IL19: variants seen among roughly 807,000 people sequenced by gnomAD.
IL19 encodes the protein interleukin-19.
IL19 carries 15 observed loss-of-function variants against 19.5 expected under a neutral mutation model. The ratio of observed to expected loss-of-function variants is 0.77; its 90% confidence interval spans 0.52 to 1.19. The LOEUF (loss-of-function observed/expected upper bound fraction) is 1.19. Ranked by LOEUF, IL19 falls within the 50% of genes most tolerant of loss-of-function variation. IL19 has a pLI of 0.00. For synonymous variants in IL19, 78 were observed against 78.3 expected (o/e 1.00, Z 0.02); for missense variants, 199 against 213.1 (o/e 0.93, Z 0.41).
At chr1:206,774,409 C>A (rs1572541369) in intron 1 of IL19, among the ~76,000 whole-genome samples, 1 of 152,196 alleles carries the variant, frequency 6.6e-6, no homozygotes, top group East Asian at 1.9e-4. Context: ...GGACCAGGAC[C>A]TGGGTTTCCC....
At chr1:206,828,314 C>A (rs1182780867) in intron 2 of IL19, among the ~76,000 whole-genome samples, 1 of 152,236 alleles carries the variant, frequency 6.6e-6, no homozygotes, top group African/African-American at 2.4e-5. Context: ...CAGCCCCTAC[C>A]TTTAGTGAGC....
At chr1:206,833,928 C>T (rs1036178003) in intron 2 of IL19, 36 of 985,606 alleles carry the variant, frequency 3.7e-5, no homozygotes, top group African/African-American at 7.0e-5. Flanking sequence ...AGAACTGGAT[C>T]GTGCTGCAGC....
chr1:206,806,236 A>T (rs1480034195), intron 2 of IL19, among the ~76,000 whole-genome samples: 1 of 152,162 alleles, frequency 6.6e-6, no homozygotes, highest in Non-Finnish European at 1.5e-5. Context: ...CTTTACCTAG[A>T]GTCATATGGA....
At chr1:206,824,651 G>A (rs1676385491) in intron 2 of IL19, among the ~76,000 whole-genome samples, 1 of 152,154 alleles carries the variant, frequency 6.6e-6, no homozygotes, top group South Asian at 2.1e-4. Flanking sequence ...GAGTAGGGGA[G>A]GAATTATCAC....
intron 2 of IL19, among the ~76,000 whole-genome samples, chr1:206,822,794 C>A (rs1676319901): frequency 6.6e-6 from 1 of 152,156 alleles, no homozygotes; most frequent in South Asian, 2.1e-4. Flanking sequence ...GTCCCCCAAA[C>A]CTAGTGCAGG....
intron 1 of IL19, among the ~76,000 whole-genome samples, chr1:206,779,015 C>T (rs924927863): frequency 6.6e-5 from 10 of 152,212 alleles, no homozygotes; most frequent in East Asian, 1.9e-4. Context: ...GGGAGATGTC[C>T]GGGGTCCAGG....
At chr1:206,834,127 T>A (rs1676704169) in intron 2 of IL19, 1 of 985,586 alleles carries the variant, frequency 1.0e-6, no homozygotes, top group Non-Finnish European at 1.2e-6. Flanking sequence ...ATGGGGAGTT[T>A]ATTTTTCCTA....
chr1:206,841,189 C>T (rs557677806), intron 6 of IL19, 111 bp downstream of exon 6: 18 of 805,170 alleles, frequency 2.2e-5, no homozygotes, highest in African/African-American at 1.9e-4. Context: ...CTATAAGCAG[C>T]CATTGTGGGC....
intron 4 of IL19, 112 bp downstream of exon 4, chr1:206,837,135 C>A: frequency 1.2e-6 from 1 of 827,196 alleles, no homozygotes; most frequent in Non-Finnish European, 1.9e-6. Flanking sequence ...CTCCAATGTA[C>A]TCTAAATGCA....
intron 2 of IL19, among the ~76,000 whole-genome samples, chr1:206,832,220 A>G (rs1293642015): frequency 6.6e-6 from 1 of 152,262 alleles, no homozygotes; most frequent in East Asian, 1.9e-4. Flanking sequence ...CTCCTTTTCC[A>G]GGTGCCTGGC....
At chr1:206,783,293 A>G (rs1176999392) in intron 1 of IL19, among the ~76,000 whole-genome samples, 2 of 152,334 alleles carry the variant, frequency 1.3e-5, no homozygotes, top group African/African-American at 4.8e-5. Flanking sequence ...ATGTAGTTCA[A>G]AATAGTTTAA....
intron 2 of IL19, among the ~76,000 whole-genome samples, chr1:206,815,106 G>T (rs1194860039): frequency 6.6e-6 from 1 of 152,176 alleles, no homozygotes; most frequent in Non-Finnish European, 1.5e-5. Context: ...TATGGCTGAG[G>T]CTGGCTCTCT....
chr1:206,781,414 C>CAAAAAAAAAAAAAAAAAAAAAAAAAA (rs57060549), intron 1 of IL19, among the ~76,000 whole-genome samples: 3 of 43,024 alleles, frequency 7.0e-5, no homozygotes, highest in Non-Finnish European at 1.3e-4. Context: ...GACTCTGTCT[C>CAAAAAAAAAAAAAAAAAAAAAAAAAA]AAAAAAAAAA....
chr1:206,821,484 T>C (rs1380851001), intron 2 of IL19, among the ~76,000 whole-genome samples: 3 of 152,064 alleles, frequency 2.0e-5, no homozygotes, highest in Non-Finnish European at 2.9e-5. Context: ...CCCATTAGGG[T>C]TTTTCTTTAA....
At chr1:206,793,066 G>A (rs186519848) in intron 1 of IL19, among the ~76,000 whole-genome samples, 140 of 152,374 alleles carry the variant, frequency 9.2e-4, no homozygotes, top group African/African-American at 3.3e-3. Context: ...GGATCCATTA[G>A]AGTTAGAAGG....
In IL19 at chr1:206,808,121, A is replaced by G. The variant is rs892717861; in HGVS notation, c.-3+9115A>G. ...TGAGGCAGGCAGATCACTTGAGGCC[A>G]GGAGTTCAAGACCAGCCTGGCCAAC... On this transcript the variant is annotated intron_variant, in intron 2 of 6. Transcript: ENST00000659997. 1.9e-4 allele frequency among the ~76,000 whole-genome samples: 29 copies of G among 152,356 alleles called. 1 individual carries two copies. The highest frequency in any genetic ancestry group is 1.0e-3 in the South Asian group (5 of 4,832).
chr1:206,781,414 C>CAAAA (rs57060549), intron 1 of IL19, among the ~76,000 whole-genome samples: 6 of 43,012 alleles, frequency 1.4e-4, no homozygotes, highest in African/African-American at 2.7e-4. Context: ...GACTCTGTCT[C>CAAAA]AAAAAAAAAA....
intron 4 of IL19, among the ~76,000 whole-genome samples, chr1:206,838,185 A>G (rs536766610): frequency 4.3e-4 from 65 of 152,342 alleles, no homozygotes; most frequent in African/African-American, 1.5e-3. Flanking sequence ...TCATCTAGAC[A>G]GGAGGTGATG....
chr1:206,802,883 G>T (rs1469180498), intron 2 of IL19, among the ~76,000 whole-genome samples: 1 of 152,206 alleles, frequency 6.6e-6, no homozygotes, highest in Non-Finnish European at 1.5e-5. Context: ...TGTTAAGGAA[G>T]ACGAGGGGAC....
Sources: gnomAD v4.1 joint callset for allele counts (sites outside exome capture counted in the v4.1 genomes callset) on GRCh38, gnomAD v4.1.1 for gene constraint, MANE v1.5 for transcripts, NCBI Gene and HGNC (gene_info 2026-07-23, HGNC 2026-07-21) for gene names.